The following NKTR variants were observed in gnomAD, a reference collection of about 807,000 sequenced individuals.
The protein encoded by NKTR is natural killer cell triggering receptor, also known as NK-tumor recognition protein.
NKTR carries 67 observed loss-of-function variants against 156.3 expected under a neutral mutation model. That is an observed-to-expected ratio of 0.43 (90% CI 0.35 to 0.53). The LOEUF is 0.53. Among genes scored for constraint, NKTR ranks in the 20% least tolerant of loss-of-function variants. The probability of loss-of-function intolerance (pLI) is 0.01; values close to 1 mark genes in which losing one functional copy is unlikely to be tolerated. For missense variants in NKTR, 1,604 were observed against 1,730.9 expected (o/e 0.93, Z 1.30); for synonymous variants, 640 against 596.6 (o/e 1.07, Z -1.06).
At chr3:42,644,188 G>T (rs541566249) in intron 16 of NKTR, among the ~76,000 whole-genome samples, 185 bp downstream of exon 16, 2 of 152,232 alleles carry the variant, frequency 1.3e-5, no homozygotes, top group African/African-American at 4.8e-5. Flanking sequence ...ATTAAGAGTT[G>T]CCAGGTAATA....
At chr3:42,643,453 A>G (rs969947573) in intron 15 of NKTR, 58 bp downstream of exon 15, 2 of 1,386,742 alleles carry the variant, frequency 1.4e-6, no homozygotes, top group Non-Finnish European at 2.1e-6. Context: ...CTTGTTTTGT[A>G]AACTGTTTGT....
intron 13 of NKTR, among the ~76,000 whole-genome samples, chr3:42,642,060 T>TA (rs1312435069): frequency 6.6e-6 from 1 of 152,168 alleles, no homozygotes; most frequent in Non-Finnish European, 1.5e-5. Flanking sequence ...AAAATACTTT[T>TA]ATATATATAG....
At chr3:42,612,471 T>C (rs1037863659) in intron 2 of NKTR, 8 of 152,162 alleles carry the variant, frequency 5.3e-5, no homozygotes, top group African/African-American at 1.9e-4. Flanking sequence ...TAATTAACAC[T>C]GTTTGCATTG....
chr3:42,606,886 A>G (rs6793186), intron 2 of NKTR, among the ~76,000 whole-genome samples: 26,059 of 151,590 alleles, frequency 0.17, 2,711 homozygotes, highest in African/African-American at 0.29. Flanking sequence ...TTAGAGACAG[A>G]GTATCACTGC....
In NKTR at chr3:42,646,006, G is replaced by A. The variant is rs1287304516; in HGVS notation, c.*31G>A. 1.3e-6 allele frequency: 2 copies of A among 1,487,912 alleles called. No homozygotes were observed. The highest frequency in any genetic ancestry group is 1.7e-5 in the Admixed American group (1 of 58,472). The allele number at this position is 1,487,912 out of a possible 1,614,324, so 92.2% of individuals were successfully genotyped here. On this transcript the variant is annotated 3_prime_UTR_variant, in exon 17 of 17. Transcript: ENST00000232978. The stretch of plus-strand genomic sequence containing the variant: ...TCCGGATACAAATTATATCTTATTT[G>A]TAAATATCTGGCAACTTAGCTTAAG...
In NKTR at chr3:42,637,921, T is replaced by G. The variant is rs989507994; in HGVS notation, c.2217T>G (p.Ser739Arg). 1.4e-5 allele frequency: 23 copies of G among 1,613,822 alleles called. No individual in the cohort carries two copies. Among genetic ancestry groups the G allele is most frequent in the Non-Finnish European group, 1.9e-5 (23 of 1,179,844 alleles). The change falls in exon 13 of 17, where the codon AGT becomes AGG. Residue 739 changes from serine (S) to arginine (R), a missense_variant. Ser to Arg is a moderately radical substitution (Grantham distance 110). Around this residue, in one of 6 missense-constraint regions of NKTR, gnomAD observed 1,255 missense variants for 1,243.7 expected, o/e 1.01. Coordinates refer to ENST00000232978, the MANE Select transcript of NKTR (RefSeq NM_005385.4). ...AATACAGTGATCATTCACAGTGTAG[T>G]AGATCATCTTCATATACTTCTATTA... Reference protein sequence around the residue: ...RNKYSDHSQCSRSSSYTSISS... With the variant: ...RNKYSDHSQCRRSSSYTSISS...
chr3:42,619,464 C>CT, intron 4 of NKTR, 200 bp from the exon 5 acceptor site: 1 of 1,393,982 alleles, frequency 7.2e-7, no homozygotes, highest in African/African-American at 1.5e-5. Flanking sequence ...GTGAAGATGA[C>CT]TTTTTTGATG....
chr3:42,628,674 T>C, intron 6 of NKTR: 2 of 985,426 alleles, frequency 2.0e-6, no homozygotes, highest in Non-Finnish European at 2.4e-6. Context: ...TATTTGGGGC[T>C]GATCCCTTAC....
intron 13 of NKTR, 82 bp downstream of exon 13, chr3:42,639,832 G>C: frequency 1.1e-6 from 1 of 945,888 alleles, no homozygotes; most frequent in Non-Finnish European, 1.6e-6. Flanking sequence ...ATTAGGGACA[G>C]AATCACTATT....
chr3:42,632,983 C>T, intron 9 of NKTR, 160 bp downstream of exon 9: 1 of 1,303,070 alleles, frequency 7.7e-7, no homozygotes, highest in Non-Finnish European at 9.8e-7. Flanking sequence ...GAGTAGGTAG[C>T]ATAGGCATTT....
intron 6 of NKTR, among the ~76,000 whole-genome samples, chr3:42,624,248 G>A (rs1417886717): frequency 6.9e-6 from 1 of 144,600 alleles, no homozygotes; most frequent in Non-Finnish European, 1.5e-5. Flanking sequence ...TTGCTCTCGG[G>A]GGTCTATATA....
In NKTR at chr3:42,638,855, A is replaced by G. The variant is rs368548741; in HGVS notation, c.3151A>G (p.Ile1051Val). ...EKKVSENNET[I>V]KDNILKTEKS... Reference sequence around the variant, plus strand: ...AAAAGTTTCTGAAAACAATGAAACCATAAAAGATAATATTCTAAAAACTGA... The same window carrying G: ...AAAAGTTTCTGAAAACAATGAAACCGTAAAAGATAATATTCTAAAAACTGA... The change falls in exon 13 of 17, where the codon ATA becomes GTA. Residue 1051 changes from isoleucine to valine, a missense_variant. Ile to Val is a conservative substitution (Grantham distance 29, BLOSUM62 3). Transcript: ENST00000232978. 4.4e-6 allele frequency: 7 copies of G among 1,604,640 alleles called. No individual in the cohort carries two copies. Among genetic ancestry groups the G allele is most frequent in the African/African-American group, 1.3e-5 (1 of 74,080 alleles).
At position 42,642,554 on chromosome 3, in the gene NKTR, C is replaced by T. The variant is rs144632235; in HGVS notation, c.4100C>T (p.Thr1367Ile). The change falls in exon 14 of 17, where the codon ACC becomes ATC. Residue 1367 changes from threonine to isoleucine, a missense_variant. Physicochemically the swap from Thr to Ile is moderately conservative, Grantham distance 89 (BLOSUM62 -1). Around this residue, in one of 6 missense-constraint regions of NKTR, gnomAD observed 193 missense variants for 220.2 expected, o/e 0.88. Coordinates refer to ENST00000232978, the MANE Select transcript of NKTR (RefSeq NM_005385.4). ...AGAGGATGGTACAGCAGAGGCCGAA[C>T]CAGAAGCCGGAGCAGTTCCTACCGG... is the stretch of plus-strand genomic sequence containing the variant. Reference protein sequence around the residue: ...RSRGWYSRGRTRSRSSSYRSY... With the variant: ...RSRGWYSRGRIRSRSSSYRSY... 7 of 1,614,002 alleles carry T rather than the reference C, an allele frequency of 4.3e-6. No homozygotes were observed. Among genetic ancestry groups the T allele is most frequent in the Non-Finnish European group, 5.9e-6 (7 of 1,179,998 alleles).
intron 6 of NKTR, among the ~76,000 whole-genome samples, chr3:42,626,765 A>G (rs1708428766): frequency 6.6e-6 from 1 of 152,162 alleles, no homozygotes; most frequent in African/African-American, 2.4e-5. Context: ...GGATGATCTT[A>G]ACTCACTTTT....
intron 3 of NKTR, among the ~76,000 whole-genome samples, chr3:42,618,351 C>CAA (rs370572858): frequency 2.0e-4 from 15 of 73,810 alleles, no homozygotes; most frequent in South Asian, 8.2e-4. Flanking sequence ...GACTTTGTCT[C>CAA]AAAAAAAAAA....
rs952407194 is a variant in NKTR, at chr3:42,630,041, C to T, written c.375-505C>T. On this transcript the variant is annotated intron_variant, in intron 6 of 16. Transcript: ENST00000232978. ...CTGGAAACAGAACTCCTGAGACCTA[C>T]CTCTGCCTGCCTAAAAATGTGGACT... 3.0e-5 allele frequency: 30 copies of T among 985,368 alleles called. No individual in the cohort carries two copies. In the Middle Eastern group the frequency reaches 2.1e-3, roughly 68 times the overall value. 61.0% of individuals were successfully genotyped at this position (985,368 alleles called of 1,614,324 possible). A position where few individuals can be genotyped will look rare whatever the true frequency, so the allele number is the denominator to read the frequency against.
chr3:42,644,092 G>A, intron 16 of NKTR, 89 bp downstream of exon 16: 1 of 734,128 alleles, frequency 1.4e-6, no homozygotes, highest in Non-Finnish European at 2.3e-6. Flanking sequence ...TAGTGGAAGA[G>A]AAAGTGGTAT....
chr3:42,617,898 A>G (rs1049017090), intron 3 of NKTR, among the ~76,000 whole-genome samples: 2 of 152,202 alleles, frequency 1.3e-5, no homozygotes, highest in Non-Finnish European at 2.9e-5. Flanking sequence ...TCTTCTCTAT[A>G]CATTTTAATT....
intron 7 of NKTR, chr3:42,630,855 A>G (rs764157154): frequency 1.0e-5 from 14 of 1,348,140 alleles, no homozygotes; most frequent in Non-Finnish European, 1.3e-5. Flanking sequence ...TCGGATAGTA[A>G]GCAGTACAAT....
Sources: gnomAD v4.1 joint callset for allele counts (sites outside exome capture counted in the v4.1 genomes callset) on GRCh38, gnomAD v4.1.1 for gene constraint, gnomAD v4.1.1 regional missense constraint, MANE v1.5 for transcripts, NCBI Gene and HGNC (gene_info 2026-07-23, HGNC 2026-07-21) for gene names.